DLGAP2: variants seen among roughly 807,000 people sequenced by gnomAD.
The protein encoded by DLGAP2 is disks large-associated protein 2.
A neutral mutation model predicts 100.3 loss-of-function variants in DLGAP2; 26 were observed. The observed-to-expected ratio is 0.26, with a 90% confidence interval of 0.19 to 0.36. The LOEUF (loss-of-function observed/expected upper bound fraction) is 0.36, where lower values mean the gene tolerates loss of function less well. DLGAP2 is among the 10% of genes least tolerant of loss of function. DLGAP2 has a pLI of 1.00. For missense variants in DLGAP2, 1,858 were observed against 1,453.2 expected, an observed-to-expected ratio of 1.28 and a Z score of -4.53; for synonymous variants, 886 against 630.1, an observed-to-expected ratio of 1.41 and a Z score of -6.08.
chr8:1,090,577 T>C (rs983990005), intron 2 of DLGAP2, among the ~76,000 whole-genome samples: 1 of 152,130 alleles, frequency 6.6e-6, no homozygotes, highest in African/African-American at 2.4e-5. Context: ...GTTTGTCCTG[T>C]GGGGAGAGTG....
At chr8:1,536,473 C>G (rs1400131668) in intron 4 of DLGAP2, among the ~76,000 whole-genome samples, 2 of 152,104 alleles carry the variant, frequency 1.3e-5, no homozygotes, top group East Asian at 1.9e-4. Flanking sequence ...TCTGAATTTT[C>G]AAGTGAACGA....
chr8:1,090,495 G>A (rs1413317789), intron 2 of DLGAP2, among the ~76,000 whole-genome samples: 1 of 152,270 alleles, frequency 6.6e-6, no homozygotes, highest in Non-Finnish European at 1.5e-5. Context: ...TACCAGCACA[G>A]GCATGTGCAC....
intron 3 of DLGAP2, chr8:1,296,162 CG>C (rs1800167737): frequency 1.3e-5 from 2 of 152,086 alleles, no homozygotes; most frequent in Admixed American, 1.3e-4. Context: ...ATGCGGCCCC[CG>C]GGTTTCTGAC....
intron 3 of DLGAP2, among the ~76,000 whole-genome samples, chr8:1,433,738 C>CTTT (rs3052055): frequency 0.28 from 34,130 of 123,518 alleles, 6,119 homozygotes; most frequent in East Asian, 0.65. Context: ...GCAAAACTGG[C>CTTT]TTTTTTTTTT....
At chr8:914,171 C>T (rs989545519) in intron 2 of DLGAP2, among the ~76,000 whole-genome samples, 2 of 152,176 alleles carry the variant, frequency 1.3e-5, no homozygotes, top group African/African-American at 2.4e-5. Flanking sequence ...GAATTCCATA[C>T]GATGTGATTC....
At chr8:1,153,566 T>C (rs184341532) in intron 2 of DLGAP2, among the ~76,000 whole-genome samples, 2 of 152,328 alleles carry the variant, frequency 1.3e-5, no homozygotes, top group East Asian at 3.9e-4. Flanking sequence ...CCTGTTTTTA[T>C]CCTCTTTTTC....
chr8:1,007,674 C>T (rs753197854), intron 2 of DLGAP2, among the ~76,000 whole-genome samples: 1 of 151,100 alleles, frequency 6.6e-6, no homozygotes, highest in Non-Finnish European at 1.5e-5. Flanking sequence ...GCTCTGTCGT[C>T]CATCTCTTTA....
intron 13 of DLGAP2, 86 bp downstream of exon 13, chr8:1,691,712 CAA>C: frequency 8.5e-7 from 1 of 1,170,986 alleles, no homozygotes; most frequent in East Asian, 2.5e-5. Context: ...TCTTCCTTGT[CAA>C]AGAGTTCCCA....
At chr8:1,381,558 C>G (rs1055443216) in intron 3 of DLGAP2, among the ~76,000 whole-genome samples, 3 of 152,164 alleles carry the variant, frequency 2.0e-5, no homozygotes, top group African/African-American at 4.8e-5. Flanking sequence ...AATTTATATC[C>G]TTTGGTTAGC....
intron 6 of DLGAP2, among the ~76,000 whole-genome samples, chr8:1,581,259 T>C (rs985236720): frequency 7.9e-6 from 1 of 126,726 alleles, no homozygotes; most frequent in African/African-American, 3.2e-5. Context: ...TGCACCACAG[T>C]CAAACTACCA....
In DLGAP2 at chr8:1,331,202, C is replaced by T. The variant is rs116086881; in HGVS notation, c.106+72319C>T. On this transcript the variant is annotated intron_variant, in intron 3 of 14. Transcript: ENST00000637795. The stretch of plus-strand genomic sequence containing the variant: ...TCTTAGTCGACAGGTAGAAATGCAG[C>T]GATGTGGCACTGATGTGCTAGTTGA... 4.9e-3 allele frequency among the ~76,000 whole-genome samples: 751 copies of T among 152,284 alleles called. 6 individuals are homozygous for T. Among genetic ancestry groups the T allele is most frequent in the Non-Finnish European group, 5.9e-3 (398 of 68,024 alleles).
At chr8:1,357,793 G>T (rs1280022694) in intron 3 of DLGAP2, among the ~76,000 whole-genome samples, 1 of 152,192 alleles carries the variant, frequency 6.6e-6, no homozygotes, top group East Asian at 1.9e-4. Flanking sequence ...GCCATGCAGT[G>T]CTCTTCAGAC....
In DLGAP2 at chr8:1,668,559, G is replaced by T. The variant is rs199625316; in HGVS notation, c.2041G>T (p.Ala681Ser). ...KAMNLALETA[A>S]AQRHLPESQS... ...CATGAACCTCGCGCTGGAAACGGCC[G>T]CTGCCCAGCGCCACCTGCCAGAGAG... The change falls in exon 9 of 15, where the codon GCT becomes TCT. Residue 681 changes from alanine (A) to serine (S), a missense_variant. Coordinates refer to ENST00000637795, the MANE Select transcript of DLGAP2 (RefSeq NM_001346810.2). 1.3e-6 allele frequency: 2 copies of T among 1,589,532 alleles called. No homozygotes were observed. The highest frequency in any genetic ancestry group is 1.1e-5 in the South Asian group (1 of 87,028).
At chr8:1,036,519 G>T (rs546011813) in intron 2 of DLGAP2, among the ~76,000 whole-genome samples, 1 of 152,332 alleles carries the variant, frequency 6.6e-6, no homozygotes, top group African/African-American at 2.4e-5. Flanking sequence ...CTTTGTGGAT[G>T]GAAGGCGCTG....
At chr8:1,332,144 TGGG>T (rs749543726) in intron 3 of DLGAP2, among the ~76,000 whole-genome samples, 3 of 152,246 alleles carry the variant, frequency 2.0e-5, no homozygotes, top group South Asian at 2.1e-4. Flanking sequence ...GGTGTAGAAA[TGGG>T]GGTGTGTGTG....
chr8:1,555,597 C>A (rs1453524410), intron 5 of DLGAP2, among the ~76,000 whole-genome samples: 1 of 152,184 alleles, frequency 6.6e-6, no homozygotes, highest in Non-Finnish European at 1.5e-5. Context: ...TGCAGGAGTG[C>A]AGGAGCTGGG....
intron 2 of DLGAP2, among the ~76,000 whole-genome samples, chr8:1,012,283 G>C (rs73176529): frequency 0.34 from 52,093 of 152,074 alleles, 9,088 homozygotes; most frequent in Admixed American, 0.4. Flanking sequence ...CTGTAGTCCT[G>C]TCTGTTGCAC....
At chr8:1,209,911 G>A (rs529649379) in intron 2 of DLGAP2, among the ~76,000 whole-genome samples, 6 of 152,196 alleles carry the variant, frequency 3.9e-5, no homozygotes, top group South Asian at 4.1e-4. Context: ...CCTGAGAAAC[G>A]GCGTGTCATC....
chr8:804,214 T>C (rs559191930), intron 1 of DLGAP2, among the ~76,000 whole-genome samples: 51 of 152,230 alleles, frequency 3.4e-4, no homozygotes, highest in Non-Finnish European at 6.6e-4. Flanking sequence ...GAGTCAGAGC[T>C]ATTCTAGATT....
Sources: gnomAD v4.1 joint callset for allele counts (sites outside exome capture counted in the v4.1 genomes callset) on GRCh38, gnomAD v4.1.1 for gene constraint, MANE v1.5 for transcripts, NCBI Gene and HGNC (gene_info 2026-07-23, HGNC 2026-07-21) for gene names.